The following EFR3B variants were observed in gnomAD, a reference collection of about 807,000 sequenced individuals.
EFR3B encodes the protein protein EFR3 homolog B.
EFR3B carries 64 observed loss-of-function variants against 104.7 expected under a neutral mutation model. The observed-to-expected ratio is 0.61, with a 90% confidence interval of 0.50 to 0.75. The LOEUF (loss-of-function observed/expected upper bound fraction) is 0.75, where lower values mean the gene tolerates loss of function less well. EFR3B is among the 30% of genes least tolerant of loss of function. The pLI, the probability that EFR3B is intolerant of heterozygous loss-of-function variation, is 0.00. For synonymous variants in EFR3B, 385 were observed against 417.9 expected (o/e 0.92, Z 0.96); for missense variants, 750 against 1,078.5 (o/e 0.70, Z 4.27).
intron 1 of EFR3B, among the ~76,000 whole-genome samples, chr2:25,059,017 A>C (rs908941931): frequency 1.3e-5 from 2 of 152,196 alleles, no homozygotes. Flanking sequence ...CATTATTCAC[A>C]ATGGCCTAAC....
chr2:25,079,981 T>G, intron 1 of EFR3B: 1 of 1,053,964 alleles, frequency 9.5e-7, no homozygotes, highest in Non-Finnish European at 1.5e-6. Flanking sequence ...CTGAACGTTC[T>G]AGCAGTTTCC....
At chr2:25,123,935 C>T (rs1202157063) in intron 5 of EFR3B, among the ~76,000 whole-genome samples, 1 of 152,234 alleles carries the variant, frequency 6.6e-6, no homozygotes, top group African/African-American at 2.4e-5. Flanking sequence ...TGGCTCCCAG[C>T]CACCAGCAGT....
intron 1 of EFR3B, among the ~76,000 whole-genome samples, chr2:25,071,804 C>T (rs1668507735): frequency 6.6e-6 from 1 of 152,208 alleles, no homozygotes; most frequent in Non-Finnish European, 1.5e-5. Flanking sequence ...CTAAGCTCCA[C>T]TCAGAGTTCC....
intron 1 of EFR3B, among the ~76,000 whole-genome samples, chr2:25,067,426 GT>G (rs111972158): frequency 0.12 from 17,338 of 142,690 alleles, 1,022 homozygotes; most frequent in East Asian, 0.25. Context: ...TTTAGTTTTT[GT>G]TTTTTTTTTT....
intron 1 of EFR3B, among the ~76,000 whole-genome samples, chr2:25,061,127 ATT>A (rs759449745): frequency 2.0e-4 from 28 of 141,746 alleles, no homozygotes; most frequent in African/African-American, 4.4e-4. Flanking sequence ...TTGGAGGTTG[ATT>A]TTTTTTTTTT....
chr2:25,147,451 CTT>C (rs1177502428), intron 19 of EFR3B: 1 of 152,246 alleles, frequency 6.6e-6, no homozygotes, highest in Admixed American at 6.5e-5. Flanking sequence ...TGTTAAATGA[CTT>C]TATCTCATAC....
At chr2:25,146,492 T>A (rs955775732) in intron 19 of EFR3B, 2 of 152,242 alleles carry the variant, frequency 1.3e-5, no homozygotes, top group Non-Finnish European at 2.9e-5. Context: ...CTCCAAGGAC[T>A]GGGAACCTCC....
At chr2:25,079,850 T>A (rs1668741782) in intron 1 of EFR3B, 6 of 886,942 alleles carry the variant, frequency 6.8e-6, no homozygotes, top group Non-Finnish European at 1.1e-5. Flanking sequence ...CACAGTATCC[T>A]TAATGATTAT....
chr2:25,052,541 G>A (rs1032971114), intron 1 of EFR3B, among the ~76,000 whole-genome samples: 16 of 125,316 alleles, frequency 1.3e-4, no homozygotes, highest in Non-Finnish European at 1.6e-4. Context: ...TCGCTCTGTC[G>A]CCCAGGCTGG....
chr2:25,068,842 GA>G (rs1053803396), intron 1 of EFR3B, among the ~76,000 whole-genome samples: 157 of 151,876 alleles, frequency 1.0e-3, no homozygotes, highest in African/African-American at 3.6e-3. Context: ...TGTTAGCCAG[GA>G]TGGTCTCTAT....
intron 1 of EFR3B, among the ~76,000 whole-genome samples, chr2:25,045,826 C>T (rs768837981): frequency 6.6e-6 from 1 of 152,002 alleles, no homozygotes; most frequent in Non-Finnish European, 1.5e-5. Flanking sequence ...CCCTGTTGCT[C>T]TCATCTGGGC....
chr2:25,151,072 A>C lies in EFR3B; in HGVS notation c.2192-842A>C, dbSNP rs967855460. Among the ~76,000 whole-genome samples, 25 of 152,100 alleles carry C rather than the reference A, an allele frequency of 1.6e-4. No homozygotes were observed. In the South Asian group the frequency reaches 4.4e-3, roughly 27 times the overall value. ...TCATCTCTATTAAAAAAAAAAAAAAAAACTCAACAGTATTATGGACATGTG... is the reference window on the plus strand; with the variant it reads ...TCATCTCTATTAAAAAAAAAAAAAACAACTCAACAGTATTATGGACATGTG... On this transcript the variant is annotated intron_variant, in intron 20 of 22. Transcript: ENST00000403714.
rs572860181 is a variant in EFR3B at position 25,052,694 on chromosome 2, G to A, written c.7+10375G>A. Among the ~76,000 whole-genome samples the A allele has an allele frequency of 1.5e-4, 23 of 151,852 alleles. No individual in the cohort carries two copies. The South Asian group carries it at 2.3e-3, about 15-fold the overall frequency. ...ATGTTTTTGTATTTTTAGTCGAGAC[G>A]GGGTTTAACCATGTTGGTCAGGCTG... On this transcript the variant is annotated intron_variant, in intron 1 of 22. Transcript: ENST00000403714.
rs1670431806 is a variant in EFR3B at position 25,133,261 on chromosome 2, G to C, written c.1260-122G>C. ...CGGCTTCCTGGGTCCGGAAGTCACTGTCCTGGGTAACCCAACACGATAAGC... is the reference window on the plus strand; with the variant it reads ...CGGCTTCCTGGGTCCGGAAGTCACTCTCCTGGGTAACCCAACACGATAAGC... On this transcript the variant is annotated intron_variant, in intron 11 of 22. Transcript: ENST00000403714. 5.2e-6 allele frequency: 6 copies of C among 1,148,478 alleles called. No individual in the cohort carries two copies. In the Admixed American group the frequency reaches 8.0e-5, roughly 15 times the overall value. 71.1% of individuals were successfully genotyped at this position (1,148,478 alleles called of 1,614,324 possible). A position where few individuals can be genotyped will look rare whatever the true frequency, so the allele number is the denominator to read the frequency against.
chr2:25,124,244 A>G (rs1014751651), intron 5 of EFR3B, among the ~76,000 whole-genome samples: 1 of 147,992 alleles, frequency 6.8e-6, no homozygotes, highest in African/African-American at 2.5e-5. Context: ...TTCCAGTAAC[A>G]CCCTTGGGTC....
chr2:25,087,790 A>C (rs1668998584), intron 1 of EFR3B, among the ~76,000 whole-genome samples: 1 of 152,174 alleles, frequency 6.6e-6, no homozygotes, highest in South Asian at 2.1e-4. Flanking sequence ...AGGAATTTTT[A>C]ATCTTCATGA....
intron 5 of EFR3B, among the ~76,000 whole-genome samples, chr2:25,125,539 C>T (rs183315131): frequency 3.2e-4 from 49 of 152,342 alleles, no homozygotes; most frequent in Admixed American, 1.6e-3. Context: ...CCTTGCCCAT[C>T]GCCAGTGGCC....
At chr2:25,143,994 A>G in intron 18 of EFR3B, 132 bp downstream of exon 18, 2 of 1,315,686 alleles carry the variant, frequency 1.5e-6, no homozygotes, top group Non-Finnish European at 1.0e-6. Context: ...GCTGAAAGAC[A>G]CAGTGGAAAT....
rs1667610065 is a variant in EFR3B at position 25,042,840 on chromosome 2, C to T, written c.7+521C>T. ...CCGCCTGAATGGACTCGGCCTCTGCCTGCCCCTGCCGCCCCGCGGGATCCA... is the reference window on the plus strand; with the variant it reads ...CCGCCTGAATGGACTCGGCCTCTGCTTGCCCCTGCCGCCCCGCGGGATCCA... On this transcript the variant is annotated intron_variant, in intron 1 of 22. Coordinates refer to ENST00000403714, the MANE Select transcript of EFR3B (RefSeq NM_014971.2). This position sits in a 1 kb window ranked among gnomAD's most constrained non-coding sequence, Gnocchi z 5.4. Among the ~76,000 whole-genome samples the T allele has an allele frequency of 6.6e-6, 1 of 152,096 alleles. No individual in the cohort carries two copies. The highest frequency in any genetic ancestry group is 1.5e-5 in the Non-Finnish European group (1 of 68,004).
Sources: allele counts gnomAD v4.1 joint callset (sites outside exome capture counted in the v4.1 genomes callset), GRCh38; gene constraint gnomAD v4.1.1; non-coding constraint Gnocchi (gnomAD v3.1); transcripts MANE v1.5; gene names NCBI Gene and HGNC (gene_info 2026-07-23, HGNC 2026-07-21).